Variants in FBXO4 observed in about 807,000 individuals in gnomAD.
FBXO4 encodes F-box protein 4.
In FBXO4, 36 loss-of-function variants were observed where a neutral mutation model predicts 43.7. That is an observed-to-expected ratio of 0.82 (90% CI 0.63 to 1.09). The LOEUF (loss-of-function observed/expected upper bound fraction) is 1.09. FBXO4 is among the 50% of genes least tolerant of loss of function. FBXO4 has a pLI of 0.00. For synonymous variants in FBXO4, 180 were observed against 165.6 expected, an observed-to-expected ratio of 1.09 and a Z score of -0.67; for missense variants, 435 against 474.1, an observed-to-expected ratio of 0.92 and a Z score of 0.77.
At chr5:42,022,884 C>G in the FBXO4 span, among the ~76,000 whole-genome samples, 1 of 151,928 alleles carries the variant, frequency 6.6e-6, no homozygotes, top group East Asian at 1.9e-4. Flanking sequence ...TCTTAGTTTT[C>G]TCCATGAGAA....
chr5:41,992,737 C>T, the FBXO4 span, among the ~76,000 whole-genome samples: 1 of 152,018 alleles, frequency 6.6e-6, no homozygotes, highest in African/African-American at 2.4e-5. Flanking sequence ...TTAAAATTTG[C>T]TTGCAATTGA....
At chr5:41,967,499 G>T in the FBXO4 span, 1 of 712,184 alleles carries the variant, frequency 1.4e-6, no homozygotes, top group South Asian at 1.4e-5. Context: ...ATATCAATGA[G>T]ATATTATAAC....
chr5:41,989,938 G>A, the FBXO4 span, among the ~76,000 whole-genome samples: 1 of 152,096 alleles, frequency 6.6e-6, no homozygotes, highest in Admixed American at 6.6e-5. Context: ...AATACGGCAG[G>A]GACCGAATAT....
chr5:42,039,399 C>A, the FBXO4 span, among the ~76,000 whole-genome samples: 1 of 152,102 alleles, frequency 6.6e-6, no homozygotes, highest in Non-Finnish European at 1.5e-5. Flanking sequence ...GGACCACCTC[C>A]CCACTATCCT....
chr5:41,936,894 C>T (rs1352840194), intron 5 of FBXO4, among the ~76,000 whole-genome samples: 1 of 151,644 alleles, frequency 6.6e-6, no homozygotes, highest in African/African-American at 2.4e-5. Context: ...ATGAACCATA[C>T]AGTTTTTTTG....
the FBXO4 span, among the ~76,000 whole-genome samples, chr5:41,970,648 C>A: frequency 6.6e-6 from 1 of 151,018 alleles, no homozygotes; most frequent in Non-Finnish European, 1.5e-5. Context: ...ATGGGAAAAA[C>A]AAAATAACTT....
chr5:41,934,839 G>A (rs1043904881), intron 5 of FBXO4: 2 of 987,114 alleles, frequency 2.0e-6, no homozygotes, highest in African/African-American at 3.5e-5. Flanking sequence ...CATTCAGAAT[G>A]CTATTTTTGT....
At chr5:41,938,154 A>T (rs1190813068) in intron 5 of FBXO4, among the ~76,000 whole-genome samples, 2 of 152,064 alleles carry the variant, frequency 1.3e-5, no homozygotes, top group Non-Finnish European at 2.9e-5. Flanking sequence ...TAATTTTAAT[A>T]AAAAAAACTA....
At chr5:41,933,081 T>C (rs564860530) in intron 3 of FBXO4, among the ~76,000 whole-genome samples, 18 of 152,306 alleles carry the variant, frequency 1.2e-4, no homozygotes, top group Admixed American at 2.6e-4. Context: ...TCAACTTCTT[T>C]TTGGTGTCAA....
the FBXO4 span, among the ~76,000 whole-genome samples, chr5:41,975,438 C>A: frequency 6.6e-6 from 1 of 152,054 alleles, no homozygotes; most frequent in African/African-American, 2.4e-5. Flanking sequence ...TCTACTGAAG[C>A]AAGAGATCTA....
At chr5:41,974,371 G>A in the FBXO4 span, among the ~76,000 whole-genome samples, 3 of 152,164 alleles carry the variant, frequency 2.0e-5, no homozygotes, top group Admixed American at 2.0e-4. Context: ...GTTTGATATT[G>A]TTCCACAGCT....
At chr5:41,975,407 T>A in the FBXO4 span, among the ~76,000 whole-genome samples, 1 of 152,246 alleles carries the variant, frequency 6.6e-6, no homozygotes, top group Non-Finnish European at 1.5e-5. Context: ...CAGAATTTAT[T>A]AGACTCCATT....
the FBXO4 span, among the ~76,000 whole-genome samples, chr5:41,984,638 C>T: frequency 2.0e-5 from 3 of 152,162 alleles, no homozygotes; most frequent in African/African-American, 7.2e-5. Flanking sequence ...AGATCTCATT[C>T]CTCATTTGGC....
the FBXO4 span, among the ~76,000 whole-genome samples, chr5:42,037,372 G>A: frequency 2.0e-5 from 3 of 151,878 alleles, no homozygotes; most frequent in Non-Finnish European, 2.9e-5. Flanking sequence ...ATTGGAATGC[G>A]CTTCATAAAA....
the FBXO4 span, among the ~76,000 whole-genome samples, chr5:42,033,579 G>A: frequency 3.9e-5 from 6 of 151,902 alleles, no homozygotes; most frequent in Non-Finnish European, 8.8e-5. Context: ...GGTTTGTGTT[G>A]TTCCCCTTCC....
At chr5:41,960,105 T>G in the FBXO4 span, among the ~76,000 whole-genome samples, 1 of 152,126 alleles carries the variant, frequency 6.6e-6, no homozygotes, top group Non-Finnish European at 1.5e-5. Context: ...CTAAGTATTT[T>G]ATTTATTTGG....
chr5:42,025,353 T>C, the FBXO4 span, among the ~76,000 whole-genome samples: 1 of 152,096 alleles, frequency 6.6e-6, no homozygotes, highest in Non-Finnish European at 1.5e-5. Context: ...TTATATGTCT[T>C]CTTTTGAGAA....
chr5:42,040,227 T>A, the FBXO4 span, among the ~76,000 whole-genome samples: 1 of 152,126 alleles, frequency 6.6e-6, no homozygotes, highest in African/African-American at 2.4e-5. Flanking sequence ...CCCATATACC[T>A]TTCATATTTC....
At chr5:41,952,784 ATTCTT>A in the FBXO4 span, among the ~76,000 whole-genome samples, 1 of 151,982 alleles carries the variant, frequency 6.6e-6, no homozygotes, top group African/African-American at 2.4e-5. Context: ...TGAGTTTACT[ATTCTT>A]TTCTTCTTTG....
Sources: allele counts gnomAD v4.1 joint callset (sites outside exome capture counted in the v4.1 genomes callset), GRCh38; gene constraint gnomAD v4.1.1; transcripts MANE v1.5; gene names NCBI Gene and HGNC (gene_info 2026-07-23, HGNC 2026-07-21).